The following EPHA6 variants were observed in gnomAD, a reference collection of about 807,000 sequenced individuals.
EPHA6 encodes the protein ephrin type-A receptor 6.
EPHA6 carries 50 observed loss-of-function variants against 112.0 expected under a neutral mutation model. The observed-to-expected ratio is 0.45, with a 90% CI of 0.36 to 0.56. The LOEUF (loss-of-function observed/expected upper bound fraction) is 0.56. Among genes scored for constraint, EPHA6 ranks in the 20% least tolerant of loss-of-function variants. The probability of loss-of-function intolerance (pLI) is 0.00; values close to 1 mark genes in which losing one functional copy is unlikely to be tolerated. For synonymous variants in EPHA6, 529 were observed against 490.7 expected, an observed-to-expected ratio of 1.08 and a Z score of -1.03; for missense variants, 1,280 against 1,417.4, an observed-to-expected ratio of 0.90 and a Z score of 1.56.
chr3:97,753,097 G>A lies in EPHA6; in HGVS notation c.*4396G>A, dbSNP rs75428348. 2.4e-3 allele frequency among the ~76,000 whole-genome samples: 361 copies of A among 152,124 alleles called. 2 individuals carry two copies. The East Asian group carries it at 0.027, about 11-fold the overall frequency. The stretch of plus-strand genomic sequence containing the variant: ...GTCACCTAACTTTTGGTTTTTATAA[G>A]CAACATTTTCAACAATTTTTCAATC... On this transcript the variant is annotated 3_prime_UTR_variant, in exon 18 of 18. Transcript: ENST00000389672.
At chr3:96,892,360 A>C (rs1018307927) in intron 2 of EPHA6, among the ~76,000 whole-genome samples, 1 of 151,974 alleles carries the variant, frequency 6.6e-6, no homozygotes, top group African/African-American at 2.4e-5. Context: ...CGCTGGGACT[A>C]CAGGTGTCTA....
intron 6 of EPHA6, among the ~76,000 whole-genome samples, chr3:97,431,314 C>T (rs555894239): frequency 2.6e-4 from 40 of 151,914 alleles, no homozygotes; most frequent in Non-Finnish European, 5.3e-4. Flanking sequence ...TAATGTAGAC[C>T]TTTTAAAAAC....
At chr3:97,081,590 TAGTC>T (rs1277837451) in intron 3 of EPHA6, among the ~76,000 whole-genome samples, 1 of 151,854 alleles carries the variant, frequency 6.6e-6, no homozygotes, top group African/African-American at 2.4e-5. Flanking sequence ...GTATACATTT[TAGTC>T]AGCATACCAG....
At chr3:97,041,743 G>A (rs978956192) in intron 3 of EPHA6, among the ~76,000 whole-genome samples, 3 of 152,172 alleles carry the variant, frequency 2.0e-5, no homozygotes, top group South Asian at 4.1e-4. Flanking sequence ...AGAAGGTGAA[G>A]GGGAAGCAGG....
At chr3:97,102,812 A>G (rs2047444709) in intron 3 of EPHA6, among the ~76,000 whole-genome samples, 1 of 152,052 alleles carries the variant, frequency 6.6e-6, no homozygotes, top group African/African-American at 2.4e-5. Context: ...CTTTTTAGTA[A>G]TAGCCATTCT....
chr3:97,712,587 T>C (rs1432439982), intron 14 of EPHA6, among the ~76,000 whole-genome samples: 4 of 152,190 alleles, frequency 2.6e-5, no homozygotes, highest in East Asian at 1.9e-4. Flanking sequence ...ATCTACCTTA[T>C]AGGATGAAAT....
chr3:97,683,491 A>G (rs1487237545), intron 14 of EPHA6, among the ~76,000 whole-genome samples: 3 of 152,198 alleles, frequency 2.0e-5, no homozygotes, highest in East Asian at 1.9e-4. Flanking sequence ...GAGGTATTCA[A>G]TTGCTTTTCA....
At chr3:97,097,742 AT>A (rs1356199683) in intron 3 of EPHA6, among the ~76,000 whole-genome samples, 5 of 152,018 alleles carry the variant, frequency 3.3e-5, no homozygotes, top group Middle Eastern at 3.4e-3. Flanking sequence ...TTTTTTAGTA[AT>A]TGATGAAATA....
rs1008902242 is a variant in EPHA6, at chr3:97,756,377, T to A, written c.*7676T>A. Among the ~76,000 whole-genome samples the A allele has an allele frequency of 6.6e-6, 1 of 151,988 alleles. No homozygotes were observed. The highest frequency in any genetic ancestry group is 1.5e-5 in the Non-Finnish European group (1 of 67,816). Reference sequence around the variant, plus strand: ...TTGTTAAATTTAACTTGTTTAAATATCCATTGGTATATTATCAAGAGCTAT... The same window carrying A: ...TTGTTAAATTTAACTTGTTTAAATAACCATTGGTATATTATCAAGAGCTAT... On this transcript the variant is annotated 3_prime_UTR_variant, in exon 18 of 18. Coordinates refer to ENST00000389672, the MANE Select transcript of EPHA6 (RefSeq NM_001080448.3).
At chr3:97,555,865 C>A (rs1223116786) in intron 11 of EPHA6, among the ~76,000 whole-genome samples, 3 of 152,008 alleles carry the variant, frequency 2.0e-5, no homozygotes, top group African/African-American at 7.3e-5. Context: ...AATTTTCTCC[C>A]ATTTTGTAGG....
intron 5 of EPHA6, among the ~76,000 whole-genome samples, chr3:97,252,904 T>C (rs1052935815): frequency 7.9e-5 from 12 of 152,216 alleles, no homozygotes; most frequent in Non-Finnish European, 1.6e-4. Context: ...AAAGTGGTAA[T>C]GTCACTGTTT....
chr3:97,161,706 GA>G (rs1178749510), intron 3 of EPHA6, among the ~76,000 whole-genome samples: 5 of 150,546 alleles, frequency 3.3e-5, no homozygotes, highest in East Asian at 1.9e-4. Context: ...ACCACTGGCA[GA>G]AAAAAAAAGG....
chr3:96,972,435 AC>A (rs2042352433), intron 2 of EPHA6, among the ~76,000 whole-genome samples: 2 of 130,198 alleles, frequency 1.5e-5, no homozygotes, highest in Non-Finnish European at 3.5e-5. Flanking sequence ...ACACACACAC[AC>A]ACACACACAC....
intron 6 of EPHA6, among the ~76,000 whole-genome samples, chr3:97,446,101 C>G (rs184755348): frequency 5.9e-5 from 9 of 152,264 alleles, no homozygotes; most frequent in Admixed American, 4.6e-4. Context: ...AATTCTGGGA[C>G]GATAGTGTCC....
chr3:97,326,597 G>C (rs2082435115), intron 5 of EPHA6, among the ~76,000 whole-genome samples: 1 of 152,038 alleles, frequency 6.6e-6, no homozygotes, highest in Admixed American at 6.6e-5. Context: ...AACTTAAGGA[G>C]CTTAAACTTT....
At chr3:97,210,437 C>T (rs2077837627) in intron 3 of EPHA6, among the ~76,000 whole-genome samples, 1 of 152,142 alleles carries the variant, frequency 6.6e-6, no homozygotes, top group South Asian at 2.1e-4. Flanking sequence ...GATCCTATCA[C>T]CTCCCACCAG....
At chr3:97,304,832 A>C (rs2081248202) in intron 5 of EPHA6, among the ~76,000 whole-genome samples, 1 of 152,100 alleles carries the variant, frequency 6.6e-6, no homozygotes. Context: ...GGCACAGGCA[A>C]AGATTTCATG....
chr3:97,066,697 G>A (rs1024708643), intron 3 of EPHA6, among the ~76,000 whole-genome samples: 5 of 152,082 alleles, frequency 3.3e-5, no homozygotes, highest in Admixed American at 6.6e-5. Flanking sequence ...GTAAACAGTC[G>A]GCTATTTAGG....
At chr3:97,216,469 A>G (rs2078037573) in intron 3 of EPHA6, among the ~76,000 whole-genome samples, 1 of 152,222 alleles carries the variant, frequency 6.6e-6, no homozygotes, top group Non-Finnish European at 1.5e-5. Flanking sequence ...CATCAATGTC[A>G]ACAAATTTCA....
Sources: allele counts gnomAD v4.1 joint callset (sites outside exome capture counted in the v4.1 genomes callset), GRCh38; gene constraint gnomAD v4.1.1; transcripts MANE v1.5; gene names NCBI Gene and HGNC (gene_info 2026-07-23, HGNC 2026-07-21).